The following CDK12 variants were observed in gnomAD, a reference collection of about 807,000 sequenced individuals.
CDK12 encodes cyclin-dependent kinase 12.
Under a neutral mutation model 133.8 loss-of-function variants are expected in CDK12, and 17 were observed. That is an observed-to-expected ratio of 0.13 (90% CI 0.09 to 0.19). CDK12 has a LOEUF of 0.19. CDK12 is among the 10% of genes least tolerant of loss of function. The pLI, the probability that CDK12 is intolerant of heterozygous loss-of-function variation, is 1.00. For synonymous variants in CDK12, 694 were observed against 683.6 expected (o/e 1.02, Z -0.24); for missense variants, 1,508 against 1,818.7 (o/e 0.83, Z 3.11).
intron 2 of CDK12, among the ~76,000 whole-genome samples, chr17:39,484,953 G>A (rs917273634): frequency 9.2e-5 from 14 of 152,024 alleles, no homozygotes; most frequent in African/African-American, 3.4e-4. Context: ...GGCGGATCAC[G>A]AGGTCAGGAG....
downstream of CDK12, among the ~76,000 whole-genome samples, chr17:39,538,200 C>G (rs1444652696): frequency 6.6e-6 from 1 of 152,186 alleles, no homozygotes; most frequent in African/African-American, 2.4e-5. Flanking sequence ...GGAGGAATGA[C>G]ATGGATGCAT....
chr17:39,561,853 T>G (rs934089944), intron 3 of CDK12, among the ~76,000 whole-genome samples: 5 of 152,176 alleles, frequency 3.3e-5, no homozygotes, highest in Non-Finnish European at 5.9e-5. Context: ...TATCTCCCAG[T>G]GGTACCCACT....
downstream of CDK12, among the ~76,000 whole-genome samples, chr17:39,536,909 A>G (rs1439024692): frequency 6.6e-6 from 1 of 152,222 alleles, no homozygotes; most frequent in African/African-American, 2.4e-5. Context: ...GCCATGAAAT[A>G]AATTTACTTA....
Position 39,461,915 on chromosome 17 carries a change from C to T in CDK12, c.-157C>T. On this transcript the variant is annotated 5_prime_UTR_variant, in exon 1 of 14. Transcript: ENST00000447079. ...CTCATGTAGAAGGGTGCTGAGGCGT[C>T]GGGAGGGAGGAGGAGCCTGGGCTAC... 5 of 546,068 alleles carry T rather than the reference C, an allele frequency of 9.2e-6. No individual in the cohort carries two copies. The highest frequency in any genetic ancestry group is 3.6e-5 in the East Asian group (1 of 27,740). The allele number at this position is 546,068 out of a possible 1,614,324, so 33.8% of individuals were successfully genotyped here.
chr17:39,473,064 A>G (rs2049921253), intron 2 of CDK12, among the ~76,000 whole-genome samples: 1 of 151,820 alleles, frequency 6.6e-6, no homozygotes, highest in African/African-American at 2.4e-5. Context: ...CGATAGAGCG[A>G]GACTCCGTCT....
chr17:39,525,997 G>A lies in CDK12; in HGVS notation c.3441G>A (p.Gln1147=). ...ACATCCACTCCAACCCAGAGATGCA[G>A]CAGCAGCTGGAAGCCCTGAACCAAT... ...LLNIHSNPEM[Q]QQLEALNQSI... The change falls in exon 13 of 14, where the codon CAG becomes CAA. Residue 1147 remains glutamine (Q), a synonymous_variant. Transcript: ENST00000447079. 1 of 1,614,188 alleles carries A rather than the reference G, an allele frequency of 6.2e-7. No homozygotes were observed. The highest frequency in any genetic ancestry group is 8.5e-7 in the Non-Finnish European group (1 of 1,180,040).
chr17:39,498,900 T>C (rs1415484137), intron 5 of CDK12, among the ~76,000 whole-genome samples: 23 of 40 alleles, frequency 0.57, 6 homozygotes, highest in African/African-American at 0.64. Context: ...TCTTTCTTTC[T>C]TTCTTTCTTT....
chr17:39,518,378 G>C (rs1297767602), intron 10 of CDK12, among the ~76,000 whole-genome samples: 1 of 151,026 alleles, frequency 6.6e-6, no homozygotes, highest in East Asian at 2.0e-4. Context: ...TGTTGCCCAG[G>C]CTGGTCTTGA....
At chr17:39,478,617 G>A (rs898428392) in intron 2 of CDK12, among the ~76,000 whole-genome samples, 2 of 152,166 alleles carry the variant, frequency 1.3e-5, no homozygotes, top group African/African-American at 4.8e-5. Flanking sequence ...AAGGCAAGAG[G>A]CTTGTTTGAG....
rs2053301246 is a variant in CDK12 at position 39,508,869 on chromosome 17, C to CTACTATAGTAGCACAGCTA, written c.2610-836_2610-835insTACTATAGTAGCACAGCTA. ...AATTAGCTGGACATATTGGTGCACA[C>CTACTATAGTAGCACAGCTA]CTATAGTCCCAGCTACTTGGGAGGC... On this transcript the variant is annotated intron_variant, in intron 6 of 13. Transcript: ENST00000447079. 3.6e-4 allele frequency among the ~76,000 whole-genome samples: 54 copies of CTACTATAGTAGCACAGCTA among 152,036 alleles called. 1 individual carries two copies. The highest frequency in any genetic ancestry group is 3.5e-3 in the Admixed American group (53 of 15,240).
At chr17:39,521,065 G>A (rs994468963) in intron 11 of CDK12, among the ~76,000 whole-genome samples, 1 of 151,806 alleles carries the variant, frequency 6.6e-6, no homozygotes, top group Non-Finnish European at 1.5e-5. Context: ...GGTTGGTCTC[G>A]AACTCCCGAC....
intron 5 of CDK12, among the ~76,000 whole-genome samples, chr17:39,496,626 G>C (rs886858911): frequency 1.3e-5 from 2 of 151,994 alleles, no homozygotes; most frequent in African/African-American, 4.8e-5. Flanking sequence ...ACTTGAACCT[G>C]GTAGGCAGAG....
At chr17:39,553,986 C>T (rs2056055346) in intron 2 of CDK12, among the ~76,000 whole-genome samples, 1 of 152,182 alleles carries the variant, frequency 6.6e-6, no homozygotes, top group African/African-American at 2.4e-5. Flanking sequence ...GGAAGCTGAG[C>T]ATTCCCAGTG....
At chr17:39,480,400 G>A (rs1461843689) in intron 2 of CDK12, among the ~76,000 whole-genome samples, 1 of 151,648 alleles carries the variant, frequency 6.6e-6, no homozygotes, top group Non-Finnish European at 1.5e-5. Context: ...CTCCCAAGTA[G>A]CTAGGATTAC....
At chr17:39,539,729 TATA>T (rs2055321048) in intron 1 of CDK12, among the ~76,000 whole-genome samples, 1 of 152,142 alleles carries the variant, frequency 6.6e-6, no homozygotes, top group Non-Finnish European at 1.5e-5. Flanking sequence ...ATAAAACTAT[TATA>T]ATAAGAGGAA....
chr17:39,502,984 G>T (rs542583536), intron 6 of CDK12, among the ~76,000 whole-genome samples: 2 of 152,174 alleles, frequency 1.3e-5, no homozygotes, highest in Admixed American at 1.3e-4. Flanking sequence ...ATTTGACAGG[G>T]ATCAGCATCA....
At chr17:39,537,559 T>TATTTATA (rs1567801053), downstream of CDK12, among the ~76,000 whole-genome samples, 1 of 148,838 alleles carries the variant, frequency 6.7e-6, no homozygotes, top group African/African-American at 2.5e-5. Context: ...ATTTATTTAT[T>TATTTATA]TATTTATTTA....
chr17:39,531,225 G>GC lies in CDK12; in HGVS notation c.4385dup (p.Thr1463AsnfsTer50). The GC allele has an allele frequency of 6.6e-7, 1 of 1,516,184 alleles. No homozygotes were observed. 93.9% of individuals were successfully genotyped at this position (1,516,184 alleles called of 1,614,324 possible). On this transcript the variant is annotated frameshift_variant, in exon 14 of 14. Transcript: ENST00000447079. LOFTEE classifies it high-confidence loss of function. ...TCAGGAGCAGGCCTTCACTGGGGGG[G>GC]CCCAACTCAGTCTTCTGCTTATGGA...
Position 39,477,107 on chromosome 17 carries a change from A to G in CDK12, c.1931+5344A>G, listed in dbSNP as rs923917112. On this transcript the variant is annotated intron_variant, in intron 2 of 13. Coordinates refer to ENST00000447079, the MANE Select transcript of CDK12 (RefSeq NM_016507.4). Reference sequence around the variant, plus strand: ...GCCATCTTGGCTCACCACAACCTCCACCACCAGGGTTCAAGCGATTCTCCT... The same window carrying G: ...GCCATCTTGGCTCACCACAACCTCCGCCACCAGGGTTCAAGCGATTCTCCT... Among the ~76,000 whole-genome samples, 5 of 144,736 alleles carry G rather than the reference A, an allele frequency of 3.5e-5. No homozygotes were observed. In the East Asian group the frequency reaches 1.0e-3, roughly 30 times the overall value. The allele number at this position is 144,736 out of a possible 152,430, so 95.0% of individuals were successfully genotyped here.
Sources: allele counts gnomAD v4.1 joint callset (sites outside exome capture counted in the v4.1 genomes callset), GRCh38; gene constraint gnomAD v4.1.1; transcripts MANE v1.5; gene names NCBI Gene and HGNC (gene_info 2026-07-23, HGNC 2026-07-21).